LOXL2: variants seen among roughly 807,000 people sequenced by gnomAD.
LOXL2 encodes lysyl oxidase homolog 2.
A neutral mutation model predicts 93.0 loss-of-function variants in LOXL2; 70 were observed. That is an observed-to-expected ratio of 0.75 (90% CI 0.62 to 0.92). The LOEUF (loss-of-function observed/expected upper bound fraction) is 0.92. LOXL2 is among the 40% of genes least tolerant of loss of function. The pLI is 0.00. For synonymous variants in LOXL2, 438 were observed against 413.2 expected, an observed-to-expected ratio of 1.06 and a Z score of -0.73; for missense variants, 973 against 1,054.9, an observed-to-expected ratio of 0.92 and a Z score of 1.08.
intron 5 of LOXL2, 56 bp from the exon 6 acceptor site, chr8:23,328,621 AC>A: frequency 1.3e-6 from 2 of 1,540,232 alleles, no homozygotes; most frequent in Non-Finnish European, 1.8e-6. Flanking sequence ...TCAGCGGGTG[AC>A]CACTGTCCCC....
chr8:23,329,944 G>A (rs1244986533), intron 5 of LOXL2, among the ~76,000 whole-genome samples: 1 of 152,084 alleles, frequency 6.6e-6, no homozygotes, highest in African/African-American at 2.4e-5. Context: ...CAGACCTCAG[G>A]GACTGCTCTG....
At chr8:23,320,936 A>G (rs4352862) in intron 7 of LOXL2, among the ~76,000 whole-genome samples, 110,240 of 152,034 alleles carry the variant, frequency 0.73, 40,125 homozygotes, top group Non-Finnish European at 0.76. Flanking sequence ...ACCAGGAGGA[A>G]GGGTGGGCTT....
chr8:23,340,007 A>G (rs1803855154), intron 4 of LOXL2, among the ~76,000 whole-genome samples: 1 of 152,194 alleles, frequency 6.6e-6, no homozygotes. Flanking sequence ...GTCTCCTGAC[A>G]TGGAAGCCAC....
chr8:23,354,974 TTTTGAGACAG>T (rs1804167474), intron 3 of LOXL2, among the ~76,000 whole-genome samples: 1 of 115,384 alleles, frequency 8.7e-6, no homozygotes, highest in African/African-American at 3.2e-5. Context: ...TTTTTTTTTT[TTTTGAGACAG>T]TTTTGCTCTT....
chr8:23,345,610 C>A lies in LOXL2; in HGVS notation c.532-4407G>T, dbSNP rs531499779. ...AAACACGCCCACACACATAACCTCT[C>A]TCTTTACTTCACTGCTGTGGAATCC... On this transcript the variant is annotated intron_variant, in intron 3 of 13. Coordinates refer to ENST00000389131, the MANE Select transcript of LOXL2 (RefSeq NM_002318.3). Among the ~76,000 whole-genome samples, 8 of 152,348 alleles carry A rather than the reference C, an allele frequency of 5.3e-5. No individual in the cohort carries two copies. In the East Asian group the frequency reaches 1.5e-3, roughly 29 times the overall value.
At chr8:23,403,289 C>T (rs1800175474) in intron 1 of LOXL2, among the ~76,000 whole-genome samples, 1 of 152,218 alleles carries the variant, frequency 6.6e-6, no homozygotes, top group African/African-American at 2.4e-5. Flanking sequence ...GAGAGGGTCC[C>T]TGGTCCCCGG....
intron 1 of LOXL2, among the ~76,000 whole-genome samples, chr8:23,375,631 G>C (rs1416082871): frequency 1.3e-5 from 2 of 152,116 alleles, no homozygotes; most frequent in African/African-American, 4.8e-5. Flanking sequence ...TTGAGCAGTG[G>C]TTTGTAGTTC....
intron 13 of LOXL2, 100 bp downstream of exon 13, chr8:23,298,736 T>C: frequency 1.4e-6 from 1 of 711,556 alleles, no homozygotes; most frequent in Non-Finnish European, 2.6e-6. Context: ...CTGGCTGCAT[T>C]CCCCGAGCTC....
intron 1 of LOXL2, among the ~76,000 whole-genome samples, chr8:23,387,222 C>A (rs184704637): frequency 5.1e-4 from 78 of 152,364 alleles, no homozygotes; most frequent in African/African-American, 1.7e-3. Flanking sequence ...AACCCTCTTA[C>A]ATTCAATGCA....
At position 23,333,572 on chromosome 8, in the gene LOXL2, G is replaced by A; in HGVS notation, c.795C>T (p.Cys265=). The A allele has an allele frequency of 1.2e-6, 2 of 1,613,870 alleles. No individual in the cohort carries two copies. Among genetic ancestry groups the A allele is most frequent in the South Asian group, 1.1e-5 (1 of 91,090 alleles). The change falls in exon 5 of 14, where the codon TGC becomes TGT. Residue 265 remains cysteine (C), a synonymous_variant. Coordinates refer to ENST00000389131, the MANE Select transcript of LOXL2 (RefSeq NM_002318.3). ...TGGAGATGTGGGCCTCTGTGCCGGTGCAGTCCATGGAGAATGGCCAGTAGC... is the reference window on the plus strand; with the variant it reads ...TGGAGATGTGGGCCTCTGTGCCGGTACAGTCCATGGAGAATGGCCAGTAGC... ...KQRYWPFSMD[C]TGTEAHISSC...
In LOXL2 at chr8:23,373,035, G is replaced by A. The variant is rs543465539; in HGVS notation, c.-83-4601C>T. 1.8e-4 allele frequency among the ~76,000 whole-genome samples: 28 copies of A among 152,286 alleles called. No individual in the cohort carries two copies. In the South Asian group the frequency reaches 5.4e-3, roughly 29 times the overall value. On this transcript the variant is annotated intron_variant, in intron 1 of 13. Coordinates refer to ENST00000389131, the MANE Select transcript of LOXL2 (RefSeq NM_002318.3). ...CAGAATATGTTGTTTGACTACAACA[G>A]AATTCAGCTATAAACCATTAATAAA...
At chr8:23,377,230 T>C (rs1804608167) in intron 1 of LOXL2, among the ~76,000 whole-genome samples, 1 of 152,198 alleles carries the variant, frequency 6.6e-6, no homozygotes, top group Non-Finnish European at 1.5e-5. Context: ...GTTGTTCAGT[T>C]TCCATGTAGT....
chr8:23,387,077 C>A (rs527832370), intron 1 of LOXL2, among the ~76,000 whole-genome samples: 1 of 152,094 alleles, frequency 6.6e-6, no homozygotes, highest in Admixed American at 6.5e-5. Flanking sequence ...GGCAAGGTGC[C>A]GAAGGACTGA....
chr8:23,313,884 G>T (rs1371500303), intron 9 of LOXL2, among the ~76,000 whole-genome samples: 1 of 148,740 alleles, frequency 6.7e-6, no homozygotes, highest in Non-Finnish European at 1.5e-5. Context: ...AGAAAATTTT[G>T]GCAACCTACT....
At chr8:23,325,691 T>C (rs986720280) in intron 6 of LOXL2, among the ~76,000 whole-genome samples, 6 of 152,186 alleles carry the variant, frequency 3.9e-5, no homozygotes, top group Non-Finnish European at 7.3e-5. Flanking sequence ...TCCTTACAAC[T>C]GAATAGCACT....
chr8:23,388,457 G>A (rs999092753), intron 1 of LOXL2, among the ~76,000 whole-genome samples: 1 of 151,916 alleles, frequency 6.6e-6, no homozygotes, highest in Non-Finnish European at 1.5e-5. Flanking sequence ...GGTAGCAAAT[G>A]CCTATTGTTC....
At chr8:23,403,814 C>T (rs748760557) in intron 1 of LOXL2, 140 bp downstream of exon 1, 4 of 152,422 alleles carry the variant, frequency 2.6e-5, no homozygotes, top group African/African-American at 9.6e-5. Context: ...TCGCATCGCT[C>T]CCCGCAAGAA....
At chr8:23,399,977 T>A (rs1026652399) in intron 1 of LOXL2, among the ~76,000 whole-genome samples, 2 of 152,222 alleles carry the variant, frequency 1.3e-5, no homozygotes, top group African/African-American at 4.8e-5. Flanking sequence ...CTGGCTATTT[T>A]ATGGAAGGTC....
chr8:23,376,367 C>T (rs62501395), intron 1 of LOXL2, among the ~76,000 whole-genome samples: 11,427 of 152,142 alleles, frequency 0.075, 588 homozygotes, highest in Middle Eastern at 0.2. Flanking sequence ...ATTTTTGCAT[C>T]GATATTCATC....
Sources: allele counts gnomAD v4.1 joint callset (sites outside exome capture counted in the v4.1 genomes callset), GRCh38; gene constraint gnomAD v4.1.1; transcripts MANE v1.5; gene names NCBI Gene and HGNC (gene_info 2026-07-23, HGNC 2026-07-21).